YES1: variants seen among roughly 807,000 people sequenced by gnomAD.
YES1 encodes the protein YES proto-oncogene 1, Src family tyrosine kinase.
A neutral mutation model predicts 70.4 loss-of-function variants in YES1; 39 were observed. That is an observed-to-expected ratio of 0.55 (90% CI 0.43 to 0.72). The LOEUF (loss-of-function observed/expected upper bound fraction) is 0.72, where lower values mean the gene tolerates loss of function less well. Among genes scored for constraint, YES1 ranks in the 30% least tolerant of loss-of-function variants. The pLI, the probability that YES1 is intolerant of heterozygous loss-of-function variation, is 0.00. For missense variants in YES1, 495 were observed against 644.8 expected (o/e 0.77, Z 2.52); for synonymous variants, 198 against 218.6 (o/e 0.91, Z 0.83).
chr18:736,545 T>C, intron 10 of YES1: 1 of 276,342 alleles, frequency 3.6e-6, no homozygotes, highest in Non-Finnish European at 6.7e-6. Context: ...AATTAAAATA[T>C]ATTTGTTGTC....
intron 1 of YES1, among the ~76,000 whole-genome samples, chr18:809,836 G>T (rs1907282976): frequency 6.6e-6 from 1 of 152,012 alleles, no homozygotes; most frequent in Non-Finnish European, 1.5e-5. Flanking sequence ...AGGGCTTAAT[G>T]AATTACACTA....
At chr18:764,944 C>T (rs945559235) in intron 1 of YES1, among the ~76,000 whole-genome samples, 3 of 151,532 alleles carry the variant, frequency 2.0e-5, no homozygotes, top group African/African-American at 4.8e-5. Context: ...CTATGTTGGC[C>T]AGACTAGTCT....
At chr18:747,425 C>T (rs570818530) in intron 4 of YES1, among the ~76,000 whole-genome samples, 3 of 152,172 alleles carry the variant, frequency 2.0e-5, no homozygotes, top group East Asian at 1.9e-4. Context: ...GCCGAGATCA[C>T]GCCACTGCAC....
intron 1 of YES1, among the ~76,000 whole-genome samples, chr18:786,810 G>A (rs1488822776): frequency 6.6e-6 from 1 of 152,006 alleles, no homozygotes; most frequent in East Asian, 1.9e-4. Context: ...TGCATGTTCT[G>A]AAGGACTTCA....
chr18:742,516 T>C (rs1005858048), intron 8 of YES1, among the ~76,000 whole-genome samples: 3 of 151,462 alleles, frequency 2.0e-5, no homozygotes, highest in African/African-American at 4.8e-5. Flanking sequence ...GTCCTGAATA[T>C]AGGAATTATG....
At chr18:769,461 G>C (rs537490569) in intron 1 of YES1, among the ~76,000 whole-genome samples, 1 of 152,196 alleles carries the variant, frequency 6.6e-6, no homozygotes, top group East Asian at 1.9e-4. Flanking sequence ...GTGCAATGTC[G>C]AACACAAGTG....
intron 1 of YES1, among the ~76,000 whole-genome samples, chr18:782,406 T>G (rs527298812): frequency 6.6e-6 from 1 of 152,298 alleles, no homozygotes; most frequent in East Asian, 1.9e-4. Flanking sequence ...GCAGGGTCAC[T>G]GATGGAACAT....
intron 10 of YES1, 136 bp from the exon 11 acceptor site, chr18:733,101 A>G (rs984594788): frequency 4.3e-6 from 3 of 703,410 alleles, no homozygotes; most frequent in African/African-American, 3.6e-5. Flanking sequence ...TACAAGATAC[A>G]TGGGATAAAA....
chr18:752,013 T>C (rs2080350402), intron 2 of YES1, among the ~76,000 whole-genome samples: 3 of 152,222 alleles, frequency 2.0e-5, no homozygotes, highest in Admixed American at 1.3e-4. Context: ...ACTCAATAAC[T>C]GGTAGCAATA....
At chr18:733,069 A>G in intron 10 of YES1, 104 bp from the exon 11 acceptor site, 5 of 1,070,380 alleles carry the variant, frequency 4.7e-6, no homozygotes, top group Non-Finnish European at 6.9e-6. Context: ...TACTGTAGTC[A>G]TCAGTGTCAA....
At chr18:793,318 C>T (rs561779956) in intron 1 of YES1, among the ~76,000 whole-genome samples, 3 of 152,022 alleles carry the variant, frequency 2.0e-5, no homozygotes, top group East Asian at 1.9e-4. Flanking sequence ...GGATTACAGG[C>T]GTGAGCCACC....
Position 732,881 on chromosome 18 carries a change from C to G in YES1, c.1376G>C (p.Gly459Ala), listed in dbSNP as rs1156835741. 6.2e-7 allele frequency: 1 copy of G among 1,614,174 alleles called. No homozygotes were observed. Among genetic ancestry groups the G allele is most frequent in the Non-Finnish European group, 8.5e-7 (1 of 1,180,020 alleles). Residue 459 changes from glycine (G) to alanine (A), a missense_variant, in exon 11 of 12, where the codon GGA becomes GCA. By Grantham distance (60) the Gly-to-Ala change is moderately conservative. Coordinates refer to ENST00000314574, the MANE Select transcript of YES1 (RefSeq NM_005433.4). Reference protein sequence around the residue: ...FTIKSDVWSFGILQTELVTKG... With the variant: ...FTIKSDVWSFAILQTELVTKG... Reference sequence around the variant, plus strand: ...TGTTACTAGTTCTGTTTGCAGAATTCCAAATGACCAGACATCAGACTTTAT... The same window carrying G: ...TGTTACTAGTTCTGTTTGCAGAATTGCAAATGACCAGACATCAGACTTTAT...
chr18:794,067 G>A (rs1018210975), intron 1 of YES1, among the ~76,000 whole-genome samples: 4 of 152,156 alleles, frequency 2.6e-5, no homozygotes, highest in African/African-American at 9.7e-5. Context: ...ATCAATGGAA[G>A]CAAAAACTAT....
intron 1 of YES1, among the ~76,000 whole-genome samples, chr18:768,033 T>C (rs977802338): frequency 3.9e-5 from 6 of 152,178 alleles, no homozygotes; most frequent in African/African-American, 1.4e-4. Flanking sequence ...CTTTAAATAC[T>C]CTAGGGCAGG....
rs1167579208 is a variant in YES1 at position 812,117 on chromosome 18, T to A, written c.-12A>T. ...CGGGGCCCCACCGGGTCCTTACCTGTCCTCCGGCCGCGCTCTCATGAGTCG... is the reference window on the plus strand; with the variant it reads ...CGGGGCCCCACCGGGTCCTTACCTGACCTCCGGCCGCGCTCTCATGAGTCG... On this transcript the variant is annotated 5_prime_UTR_variant, in exon 1 of 12. Coordinates refer to ENST00000314574, the MANE Select transcript of YES1 (RefSeq NM_005433.4). 1 of 152,636 alleles carries A rather than the reference T, an allele frequency of 6.6e-6. No homozygotes were observed. Among genetic ancestry groups the A allele is most frequent in the Non-Finnish European group, 1.5e-5 (1 of 67,994 alleles). 9.5% of individuals were successfully genotyped at this position (152,636 alleles called of 1,614,324 possible). A position where few individuals can be genotyped will look rare whatever the true frequency, so the allele number is the denominator to read the frequency against.
intron 11 of YES1, among the ~76,000 whole-genome samples, chr18:728,229 G>A (rs1039464395): frequency 1.3e-5 from 2 of 151,894 alleles, no homozygotes; most frequent in African/African-American, 4.8e-5. Flanking sequence ...GGGAGGCTGA[G>A]GTGGGAGGAT....
Position 724,141 on chromosome 18 carries a change from G to A in YES1, c.*283C>T, listed in dbSNP as rs760542366. On this transcript the variant is annotated 3_prime_UTR_variant, in exon 12 of 12. Coordinates refer to ENST00000314574, the MANE Select transcript of YES1 (RefSeq NM_005433.4). ...AAGGAAATGATTTATAAATAAGCAG[G>A]AGCCTCACTGTCCTTCATTACCATG... The A allele has an allele frequency of 1.4e-5, 4 of 287,068 alleles. No homozygotes were observed. Among genetic ancestry groups the A allele is most frequent in the Non-Finnish European group, 2.6e-5 (4 of 153,786 alleles). The allele number at this position is 287,068 out of a possible 1,614,324, so 17.8% of individuals were successfully genotyped here.
chr18:757,777 G>A (rs980300219), intron 1 of YES1, among the ~76,000 whole-genome samples: 2 of 151,500 alleles, frequency 1.3e-5, no homozygotes, highest in Admixed American at 6.6e-5. Flanking sequence ...AGCTGACATC[G>A]TGCCAGTGCA....
intron 1 of YES1, among the ~76,000 whole-genome samples, chr18:757,288 G>A (rs568133526): frequency 6.6e-6 from 1 of 152,022 alleles, no homozygotes; most frequent in East Asian, 1.9e-4. Flanking sequence ...CGGATCACGA[G>A]GTCAGGAGAT....
Sources: allele counts gnomAD v4.1 joint callset (sites outside exome capture counted in the v4.1 genomes callset), GRCh38; gene constraint gnomAD v4.1.1; transcripts MANE v1.5; gene names NCBI Gene and HGNC (gene_info 2026-07-23, HGNC 2026-07-21).